The following MARCHF1 variants were observed in gnomAD, a reference collection of about 807,000 sequenced individuals.
MARCHF1 encodes E3 ubiquitin-protein ligase MARCHF1.
A neutral mutation model predicts 54.2 loss-of-function variants in MARCHF1; 40 were observed. The ratio of observed to expected loss-of-function variants is 0.74; its 90% CI spans 0.57 to 0.96. MARCHF1 has a LOEUF of 0.96. Ranked by LOEUF, MARCHF1 falls within the 40% of genes least tolerant of loss-of-function variation. The probability of loss-of-function intolerance (pLI) is 0.00; values close to 1 mark genes in which losing one functional copy is unlikely to be tolerated. For synonymous variants in MARCHF1, 236 were observed against 236.3 expected, an observed-to-expected ratio of 1.00 and a Z score of 0.01; for missense variants, 586 against 656.5, an observed-to-expected ratio of 0.89 and a Z score of 1.17.
intron 1 of MARCHF1, among the ~76,000 whole-genome samples, chr4:164,299,890 C>A (rs1359345768): frequency 6.6e-6 from 1 of 152,068 alleles, no homozygotes; most frequent in African/African-American, 2.4e-5. Flanking sequence ...TTAAATTACA[C>A]TTTTAAGACC....
At chr4:163,554,071 T>C (rs1020414965) in intron 8 of MARCHF1, among the ~76,000 whole-genome samples, 10 of 152,214 alleles carry the variant, frequency 6.6e-5, no homozygotes, top group Non-Finnish European at 1.5e-4. Context: ...TGCTTTGCAG[T>C]ATTTAGACTA....
chr4:163,972,216 GA>G (rs1285587700), intron 3 of MARCHF1, among the ~76,000 whole-genome samples: 1 of 152,120 alleles, frequency 6.6e-6, no homozygotes, highest in African/African-American at 2.4e-5. Flanking sequence ...GGAGCTAGGG[GA>G]GGGATAGTAT....
chr4:164,287,541 C>T (rs933471000), intron 1 of MARCHF1, among the ~76,000 whole-genome samples: 3 of 152,150 alleles, frequency 2.0e-5, no homozygotes, highest in African/African-American at 7.2e-5. Context: ...AAGACTTTAT[C>T]GCTCTTCCTA....
chr4:163,921,275 T>C (rs1293921745), intron 3 of MARCHF1, among the ~76,000 whole-genome samples: 1 of 140,992 alleles, frequency 7.1e-6, no homozygotes, highest in Non-Finnish European at 1.5e-5. Flanking sequence ...CTTCCATTAA[T>C]TTGGAGTTTT....
In MARCHF1 at chr4:163,654,013, G is replaced by C. The variant is rs1743057554; in HGVS notation, c.163-40620C>G. Among the ~76,000 whole-genome samples, 4 of 151,834 alleles carry C rather than the reference G, an allele frequency of 2.6e-5. No individual in the cohort carries two copies. In the South Asian group the frequency reaches 8.3e-4, roughly 31 times the overall value. On this transcript the variant is annotated intron_variant, in intron 5 of 9. Transcript: ENST00000514618. ...TGATATTAGAGTTCAGAAAGGTAAA[G>C]ATAAATCATTAAGAACCACCATGAA...
intron 2 of MARCHF1, among the ~76,000 whole-genome samples, chr4:164,081,207 C>CA (rs60753810): frequency 0.018 from 333 of 18,370 alleles, 69 homozygotes; most frequent in East Asian, 0.089. Flanking sequence ...GACGCTGTCT[C>CA]AAAAAAAAAA....
rs1560823716 is a variant in MARCHF1 at position 163,929,955 on chromosome 4, TTATATATAATATATATAATATATATA to T, written c.-39+58520_-39+58545del. 3.5e-3 allele frequency among the ~76,000 whole-genome samples: 286 copies of T among 81,388 alleles called. 4 individuals carry two copies. The highest frequency in any genetic ancestry group is 0.016 in the African/African-American group (276 of 17,614). The allele number at this position is 81,388 out of a possible 152,430, so 53.4% of individuals were successfully genotyped here. On this transcript the variant is annotated intron_variant, in intron 3 of 9. Coordinates refer to ENST00000514618, the MANE Select transcript of MARCHF1 (RefSeq NM_001394959.1). ...ATATTATATATTTATATTATATATA[TTATATATAATATATATAATATATATA>T]ATATATATATAATATATTATATATA...
intron 7 of MARCHF1, among the ~76,000 whole-genome samples, chr4:163,601,516 TAAG>T (rs1183320681): frequency 1.3e-5 from 2 of 152,040 alleles, no homozygotes; most frequent in African/African-American, 4.8e-5. Context: ...GTTCTTAAAT[TAAG>T]AAGTAGATAA....
intron 3 of MARCHF1, among the ~76,000 whole-genome samples, chr4:163,897,003 C>T (rs946294067): frequency 6.6e-6 from 1 of 152,162 alleles, no homozygotes; most frequent in African/African-American, 2.4e-5. Context: ...TCTCATTGCT[C>T]ATTCTCTCTA....
chr4:163,803,179 A>G (rs1184240448), intron 4 of MARCHF1, among the ~76,000 whole-genome samples: 6 of 152,064 alleles, frequency 3.9e-5, no homozygotes, highest in Non-Finnish European at 8.8e-5. Flanking sequence ...TATTATTATT[A>G]ATTGTTTTTT....
intron 1 of MARCHF1, among the ~76,000 whole-genome samples, chr4:164,327,648 C>A (rs536220156): frequency 6.6e-6 from 1 of 152,032 alleles, no homozygotes; most frequent in East Asian, 1.9e-4. Context: ...GGCTGAGAGG[C>A]CAGTTTGGAT....
At chr4:163,538,050 A>G (rs1485389153) in intron 9 of MARCHF1, among the ~76,000 whole-genome samples, 1 of 152,226 alleles carries the variant, frequency 6.6e-6, no homozygotes. Context: ...TTAGACCTAA[A>G]GGAATCAAAA....
chr4:163,927,732 T>C (rs1438730303), intron 3 of MARCHF1, among the ~76,000 whole-genome samples: 2 of 151,820 alleles, frequency 1.3e-5, no homozygotes, highest in African/African-American at 2.4e-5. Flanking sequence ...TATGGACTCT[T>C]GGTAAAATGT....
intron 2 of MARCHF1, among the ~76,000 whole-genome samples, chr4:164,024,867 G>A (rs1305666381): frequency 6.6e-6 from 1 of 151,968 alleles, no homozygotes; most frequent in Non-Finnish European, 1.5e-5. Flanking sequence ...ATAACCACAG[G>A]CTCAAAGTAA....
chr4:164,290,752 A>G (rs1012145428), intron 1 of MARCHF1, among the ~76,000 whole-genome samples: 1 of 151,982 alleles, frequency 6.6e-6, no homozygotes, highest in African/African-American at 2.4e-5. Flanking sequence ...CACTTTAATG[A>G]AAGATAAGAA....
At chr4:164,158,335 T>C (rs143713427) in intron 1 of MARCHF1, among the ~76,000 whole-genome samples, 161 of 152,236 alleles carry the variant, frequency 1.1e-3, no homozygotes, top group African/African-American at 3.8e-3. Flanking sequence ...TTGAACCAAA[T>C]ATGTGAATAT....
intron 5 of MARCHF1, among the ~76,000 whole-genome samples, chr4:163,663,356 C>G (rs1456663387): frequency 6.6e-6 from 1 of 151,966 alleles, no homozygotes; most frequent in Non-Finnish European, 1.5e-5. Flanking sequence ...CCCAGGGCAG[C>G]CACACTGTCA....
At chr4:163,636,835 A>C (rs1385674842) in intron 5 of MARCHF1, among the ~76,000 whole-genome samples, 1 of 152,204 alleles carries the variant, frequency 6.6e-6, no homozygotes, top group Non-Finnish European at 1.5e-5. Flanking sequence ...ACACTACCTG[A>C]CTTCTAACTA....
At chr4:163,747,343 AAT>A in intron 4 of MARCHF1, among the ~76,000 whole-genome samples, 1 of 152,216 alleles carries the variant, frequency 6.6e-6, no homozygotes, top group Non-Finnish European at 1.5e-5. Context: ...GGCAGAAACA[AAT>A]ATAAATTTTC....
Sources: gnomAD v4.1 joint callset for allele counts (sites outside exome capture counted in the v4.1 genomes callset) on GRCh38, gnomAD v4.1.1 for gene constraint, MANE v1.5 for transcripts, NCBI Gene and HGNC (gene_info 2026-07-23, HGNC 2026-07-21) for gene names.